Variants in STARD13 observed in about 807,000 individuals in gnomAD.
STARD13 encodes StAR related lipid transfer domain containing 13.
In STARD13, 62 loss-of-function variants were observed where a neutral mutation model predicts 106.4. The ratio of observed to expected loss-of-function variants is 0.58; its 90% CI spans 0.48 to 0.72. The LOEUF is 0.72. Among genes scored for constraint, STARD13 ranks in the 30% least tolerant of loss-of-function variants. The pLI is 0.00. For missense variants in STARD13, 1,387 were observed against 1,424.0 expected, an observed-to-expected ratio of 0.97 and a Z score of 0.42; for synonymous variants, 565 against 553.0, an observed-to-expected ratio of 1.02 and a Z score of -0.31.
chr13:33,323,265 C>T (rs1244609259), intron 1 of STARD13, among the ~76,000 whole-genome samples: 1 of 152,188 alleles, frequency 6.6e-6, no homozygotes, highest in Non-Finnish European at 1.5e-5. Flanking sequence ...TTTGCATATG[C>T]TGTTCCCACT....
the STARD13 span, among the ~76,000 whole-genome samples, chr13:33,536,372 G>A: frequency 6.6e-6 from 1 of 152,264 alleles, no homozygotes; most frequent in East Asian, 1.9e-4. Context: ...TATTCTATAA[G>A]TTAGGAAAAT....
the STARD13 span, among the ~76,000 whole-genome samples, chr13:33,469,902 TGTTC>T: frequency 6.6e-6 from 1 of 151,884 alleles, no homozygotes; most frequent in Admixed American, 6.6e-5. Flanking sequence ...TTTGTTTGTT[TGTTC>T]AATTTAAATT....
At chr13:33,284,276 T>C (rs1891944567) in intron 1 of STARD13, among the ~76,000 whole-genome samples, 1 of 152,178 alleles carries the variant, frequency 6.6e-6, no homozygotes, top group Non-Finnish European at 1.5e-5. Context: ...AAATCCTAAT[T>C]TCCAAGGAAA....
chr13:33,675,249 C>G, the STARD13 span, among the ~76,000 whole-genome samples: 1 of 152,198 alleles, frequency 6.6e-6, no homozygotes, highest in Admixed American at 6.5e-5. Context: ...ACAAAGGTAG[C>G]TTCAACATTC....
intron 1 of STARD13, among the ~76,000 whole-genome samples, chr13:33,175,583 G>A (rs1884431065): frequency 6.6e-6 from 1 of 152,112 alleles, no homozygotes; most frequent in Admixed American, 6.5e-5. Context: ...CTTGATATTG[G>A]CTCTCAGAGC....
intron 7 of STARD13, among the ~76,000 whole-genome samples, chr13:33,119,937 GAA>G (rs1375306624): frequency 6.6e-6 from 1 of 152,132 alleles, no homozygotes; most frequent in Non-Finnish European, 1.5e-5. Context: ...TGTCAAAAGA[GAA>G]AAAAATTCAA....
chr13:33,216,525 G>T (rs1223701672), intron 1 of STARD13, among the ~76,000 whole-genome samples: 1 of 152,076 alleles, frequency 6.6e-6, no homozygotes. Context: ...AGGATGCAAA[G>T]GCATAAGAAT....
the STARD13 span, among the ~76,000 whole-genome samples, chr13:33,653,546 C>G: frequency 1.3e-5 from 2 of 151,966 alleles, no homozygotes; most frequent in Non-Finnish European, 1.5e-5. Context: ...GACCAAATAC[C>G]TAAATGTAGG....
chr13:33,666,685 G>A, the STARD13 span, among the ~76,000 whole-genome samples: 1 of 151,748 alleles, frequency 6.6e-6, no homozygotes, highest in Non-Finnish European at 1.5e-5. Context: ...CTGCTTTCCC[G>A]GTTCAAGCAA....
intron 1 of STARD13, among the ~76,000 whole-genome samples, chr13:33,206,290 A>G (rs1189413982): frequency 6.6e-6 from 1 of 151,894 alleles, no homozygotes; most frequent in East Asian, 1.9e-4. Flanking sequence ...ACTTCACAGG[A>G]AGGGAAGAAG....
Position 33,332,509 on chromosome 13 carries a change from G to C in STARD13, c.124+17781C>G, listed in dbSNP as rs189928102. Among the ~76,000 whole-genome samples the C allele has an allele frequency of 3.9e-3, 590 of 152,074 alleles. 15 individuals carry two copies. The highest frequency in any genetic ancestry group is 0.037 in the Admixed American group (572 of 15,272). ...TTCTCACTCTCTTTCTGCCAGGTGG[G>C]GATACAACCAGAAAACGGTTGTCTG... On this transcript the variant is annotated intron_variant, in intron 1 of 5. Coordinates refer to the STARD13 transcript ENST00000567873.
the STARD13 span, among the ~76,000 whole-genome samples, chr13:33,541,447 C>T: frequency 2.0e-5 from 3 of 152,144 alleles, no homozygotes; most frequent in African/African-American, 7.2e-5. Flanking sequence ...ATTGCAATAT[C>T]CCCCTAACTT....
chr13:33,465,140 C>A, the STARD13 span, among the ~76,000 whole-genome samples: 1 of 150,956 alleles, frequency 6.6e-6, no homozygotes, highest in African/African-American at 2.4e-5. Flanking sequence ...TTGCTATTTT[C>A]TTTCTACCAT....
intron 1 of STARD13, among the ~76,000 whole-genome samples, chr13:33,185,461 A>G (rs1324953609): frequency 1.3e-5 from 2 of 152,230 alleles, no homozygotes; most frequent in African/African-American, 4.8e-5. Flanking sequence ...TCCTTCGCTT[A>G]GAATTCTCCA....
the STARD13 span, among the ~76,000 whole-genome samples, chr13:33,394,515 C>T: frequency 6.6e-6 from 1 of 152,178 alleles, no homozygotes; most frequent in Non-Finnish European, 1.5e-5. Flanking sequence ...ATGATCCTCT[C>T]TCTGCCTGGA....
the STARD13 span, among the ~76,000 whole-genome samples, chr13:33,514,422 G>A: frequency 6.6e-6 from 1 of 152,144 alleles, no homozygotes; most frequent in African/African-American, 2.4e-5. Flanking sequence ...TGGAGAAATT[G>A]TTGGGCTTGT....
At chr13:33,185,846 G>A (rs1311536474) in intron 1 of STARD13, 1 of 1,610,906 alleles carries the variant, frequency 6.2e-7, no homozygotes, top group Non-Finnish European at 8.5e-7. Flanking sequence ...TCTATCCTTT[G>A]TACCCACATG....
At chr13:33,140,883 C>T (rs936653733) in intron 4 of STARD13, among the ~76,000 whole-genome samples, 1 of 151,866 alleles carries the variant, frequency 6.6e-6, no homozygotes, top group Admixed American at 6.6e-5. Context: ...CTCAGCCTCC[C>T]GATTAGCTGG....
At chr13:33,260,265 A>G (rs563009757) in intron 1 of STARD13, among the ~76,000 whole-genome samples, 2 of 152,262 alleles carry the variant, frequency 1.3e-5, no homozygotes, top group African/African-American at 4.8e-5. Flanking sequence ...TCAAATATTC[A>G]TTTGCCATAG....
Sources: gnomAD v4.1 joint callset for allele counts (sites outside exome capture counted in the v4.1 genomes callset) on GRCh38, gnomAD v4.1.1 for gene constraint, MANE v1.5 for transcripts, NCBI Gene and HGNC (gene_info 2026-07-23, HGNC 2026-07-21) for gene names.